Variants in TMC1 observed in about 807,000 individuals in gnomAD.
The protein encoded by TMC1 is transmembrane channel like 1, also known as transmembrane channel-like protein 1.
In TMC1, 84 loss-of-function variants were observed where a neutral mutation model predicts 105.8. That is an observed-to-expected ratio of 0.79 (90% CI 0.67 to 0.95). TMC1 has a LOEUF of 0.95. Ranked by LOEUF, TMC1 falls within the 40% of genes least tolerant of loss-of-function variation. The probability of loss-of-function intolerance (pLI) is 0.00; values close to 1 mark genes in which losing one functional copy is unlikely to be tolerated. For missense variants in TMC1, 817 were observed against 914.1 expected (o/e 0.89, Z 1.37); for synonymous variants, 315 against 311.5 (o/e 1.01, Z -0.12).
At chr9:72,679,820 A>T (rs966319193) in intron 5 of TMC1, among the ~76,000 whole-genome samples, 2 of 152,058 alleles carry the variant, frequency 1.3e-5, no homozygotes, top group Admixed American at 6.6e-5. Flanking sequence ...TGAAGTAGGA[A>T]ATTTTCCCTG....
At chr9:72,614,987 G>A (rs1825103083) in intron 2 of TMC1, among the ~76,000 whole-genome samples, 4 of 152,108 alleles carry the variant, frequency 2.6e-5, no homozygotes, top group Admixed American at 6.6e-5. Context: ...GCCAGTTATA[G>A]GATAGCTTCT....
chr9:72,781,118 T>G (rs865870317), intron 13 of TMC1, among the ~76,000 whole-genome samples: 7 of 152,070 alleles, frequency 4.6e-5, no homozygotes, highest in African/African-American at 1.7e-4. Flanking sequence ...ACCAACAACA[T>G]TCTTGGATCA....
chr9:72,721,963 G>A (rs888715936), intron 8 of TMC1, among the ~76,000 whole-genome samples: 5 of 151,900 alleles, frequency 3.3e-5, no homozygotes, highest in South Asian at 2.1e-4. Context: ...AAAAAATATC[G>A]GTGAGCTCCA....
In TMC1 at chr9:72,755,038, A is replaced by C. The variant is rs11143389; in HGVS notation, c.741+154A>C. On this transcript the variant is annotated intron_variant, in intron 12 of 23. Coordinates refer to ENST00000297784, the MANE Select transcript of TMC1 (RefSeq NM_138691.3). The stretch of plus-strand genomic sequence containing the variant: ...AAGAAAGAAAGGAAAGAAAGAAAGA[A>C]AGAGAGAGAGAGAGAGGGAGGGAGG... Among the ~76,000 whole-genome samples, 6 of 137,586 alleles carry C rather than the reference A, an allele frequency of 4.4e-5. No homozygotes were observed. The South Asian group carries it at 1.7e-3, about 38-fold the overall frequency. 90.3% of individuals were successfully genotyped at this position (137,586 alleles called of 152,430 possible).
chr9:72,559,071 G>C (rs78737992), intron 1 of TMC1, among the ~76,000 whole-genome samples: 2,447 of 151,914 alleles, frequency 0.016, 23 homozygotes, highest in South Asian at 0.043. Flanking sequence ...CACATTTTGA[G>C]GTAAGAAATG....
At chr9:72,793,023 G>A (rs769968376) in intron 17 of TMC1, among the ~76,000 whole-genome samples, 3 of 152,080 alleles carry the variant, frequency 2.0e-5, no homozygotes, top group Non-Finnish European at 2.9e-5. Flanking sequence ...TACTTCTCCC[G>A]TGGATCTTTG....
intron 8 of TMC1, among the ~76,000 whole-genome samples, chr9:72,712,044 GT>G (rs1462424164): frequency 6.6e-6 from 1 of 152,120 alleles, no homozygotes; most frequent in African/African-American, 2.4e-5. Context: ...CCCATTGTTT[GT>G]TTTTGTCAGG....
chr9:72,801,461 A>G (rs1391482363), intron 17 of TMC1, among the ~76,000 whole-genome samples: 1 of 152,234 alleles, frequency 6.6e-6, no homozygotes, highest in Non-Finnish European at 1.5e-5. Context: ...TTCAGCCTAC[A>G]TAGTCTGCTT....
chr9:72,587,823 T>C (rs960161214), intron 2 of TMC1, among the ~76,000 whole-genome samples: 1 of 151,782 alleles, frequency 6.6e-6, no homozygotes, highest in Non-Finnish European at 1.5e-5. Flanking sequence ...CCTCACTGTC[T>C]TGCCCAGGCT....
At chr9:72,582,620 T>C (rs1239601897) in intron 2 of TMC1, among the ~76,000 whole-genome samples, 6 of 152,254 alleles carry the variant, frequency 3.9e-5, no homozygotes, top group Admixed American at 3.9e-4. Flanking sequence ...GCTAACTTGC[T>C]GCATAGAATC....
intron 10 of TMC1, among the ~76,000 whole-genome samples, chr9:72,744,301 A>G (rs73647812): frequency 6.6e-6 from 1 of 152,142 alleles, no homozygotes; most frequent in Non-Finnish European, 1.5e-5. Context: ...ATTTCTCCCA[A>G]TAGATGGGAA....
intron 7 of TMC1, among the ~76,000 whole-genome samples, chr9:72,698,903 AGATGCTAAG>A (rs1337562262): frequency 6.6e-6 from 1 of 152,166 alleles, no homozygotes; most frequent in Non-Finnish European, 1.5e-5. Flanking sequence ...AGTGAAGAAG[AGATGCTAAG>A]GAGGAAGTGT....
Position 72,742,323 on chromosome 9 carries a change from AG to A in TMC1, c.454-120del. ...CTGTTTCCCCCTTTGACTAGAAAGT[AG>A]TATTTGCTGCCAGAGAGACATTTCC... On this transcript the variant is annotated intron_variant, in intron 9 of 23. Coordinates refer to ENST00000297784, the MANE Select transcript of TMC1 (RefSeq NM_138691.3). The A allele has an allele frequency of 3.9e-6, 3 of 775,668 alleles. No homozygotes were observed. In the South Asian group the frequency reaches 4.4e-5, roughly 11 times the overall value. The allele number at this position is 775,668 out of a possible 1,614,324, so 48.0% of individuals were successfully genotyped here.
At chr9:72,630,223 A>C (rs1825425720) in intron 4 of TMC1, among the ~76,000 whole-genome samples, 1 of 152,190 alleles carries the variant, frequency 6.6e-6, no homozygotes. Context: ...CCCAAAGAAG[A>C]AATGTAATTA....
At chr9:72,570,977 C>G (rs1824272925) in intron 1 of TMC1, among the ~76,000 whole-genome samples, 1 of 135,788 alleles carries the variant, frequency 7.4e-6, no homozygotes, top group African/African-American at 2.7e-5. Context: ...GCATGAGCCA[C>G]CGCACCCGAC....
intron 19 of TMC1, chr9:72,818,868 T>G (rs940218265): frequency 1.3e-5 from 2 of 152,222 alleles, no homozygotes; most frequent in Non-Finnish European, 2.9e-5. Flanking sequence ...TTGAGTTATT[T>G]GTTTAAAATG....
intron 8 of TMC1, among the ~76,000 whole-genome samples, chr9:72,711,490 G>T (rs1330160793): frequency 4.6e-5 from 7 of 152,142 alleles, no homozygotes; most frequent in African/African-American, 1.7e-4. Flanking sequence ...TCTCATTGTG[G>T]TTTTGATTTG....
At chr9:72,613,469 C>T (rs550389522) in intron 2 of TMC1, among the ~76,000 whole-genome samples, 3 of 152,076 alleles carry the variant, frequency 2.0e-5, no homozygotes, top group Admixed American at 6.6e-5. Context: ...CCCATCAAGT[C>T]GTTAGTCATA....
At chr9:72,650,970 A>G (rs1246214971) in intron 5 of TMC1, among the ~76,000 whole-genome samples, 1 of 131,774 alleles carries the variant, frequency 7.6e-6, no homozygotes, top group Non-Finnish European at 1.6e-5. Context: ...TCACATATAC[A>G]AGGATATGTC....
Sources: allele counts gnomAD v4.1 joint callset (sites outside exome capture counted in the v4.1 genomes callset), GRCh38; gene constraint gnomAD v4.1.1; transcripts MANE v1.5; gene names NCBI Gene and HGNC (gene_info 2026-07-23, HGNC 2026-07-21).